SERPINA12: variants seen among roughly 807,000 people sequenced by gnomAD.
The protein encoded by SERPINA12 is serpin A12.
SERPINA12 carries 21 observed loss-of-function variants against 25.9 expected under a neutral mutation model. The observed-to-expected ratio is 0.81, with a 90% CI of 0.58 to 1.17. The LOEUF is 1.17. SERPINA12 is among the 50% of genes most tolerant of loss of function. SERPINA12 has a pLI of 0.00. For synonymous variants in SERPINA12, 220 were observed against 196.0 expected, an observed-to-expected ratio of 1.12 and a Z score of -1.02; for missense variants, 562 against 508.3, an observed-to-expected ratio of 1.11 and a Z score of -1.02.
chr14:94,512,125 T>G (rs1901126927), upstream of SERPINA12, among the ~76,000 whole-genome samples: 4 of 151,306 alleles, frequency 2.6e-5, no homozygotes, highest in South Asian at 8.4e-4. Context: ...ACAAGAGTTC[T>G]GTGGAGGGGT....
chr14:94,514,202 T>C (rs893523402), upstream of SERPINA12, among the ~76,000 whole-genome samples: 17 of 152,344 alleles, frequency 1.1e-4, no homozygotes, highest in African/African-American at 3.4e-4. Context: ...ATTATTCTTA[T>C]CCTCATATAA....
At chr14:94,511,537 G>T (rs966275096), upstream of SERPINA12, 1 of 985,392 alleles carries the variant, frequency 1.0e-6, no homozygotes, top group Non-Finnish European at 1.2e-6. Flanking sequence ...TCCTGGGATG[G>T]CTCACTCTAG....
intron 1 of SERPINA12, among the ~76,000 whole-genome samples, chr14:94,499,007 T>A (rs1332143996): frequency 6.6e-6 from 1 of 152,204 alleles, no homozygotes; most frequent in Non-Finnish European, 1.5e-5. Flanking sequence ...ATGACATCTT[T>A]GGAGACCCTG....
chr14:94,494,998 C>A (rs530565874), intron 3 of SERPINA12, among the ~76,000 whole-genome samples: 9 of 151,914 alleles, frequency 5.9e-5, no homozygotes, highest in African/African-American at 2.2e-4. Context: ...GGATGCTCTG[C>A]TACTTGGCTC....
At chr14:94,490,957 C>T (rs1210771954) in intron 3 of SERPINA12, among the ~76,000 whole-genome samples, 5 of 152,338 alleles carry the variant, frequency 3.3e-5, no homozygotes, top group Non-Finnish European at 2.9e-5. Flanking sequence ...CAGGCTCAGA[C>T]CTTGGTCCCC....
upstream of SERPINA12, among the ~76,000 whole-genome samples, chr14:94,509,820 C>T (rs118059134): frequency 3.9e-3 from 598 of 152,306 alleles, 5 homozygotes; most frequent in Non-Finnish European, 3.2e-3. Context: ...GAGTGACACA[C>T]GCCATCCCCT....
chr14:94,507,861 G>A (rs1160051986), intron 1 of SERPINA12, among the ~76,000 whole-genome samples: 1 of 152,218 alleles, frequency 6.6e-6, no homozygotes, highest in East Asian at 1.9e-4. Flanking sequence ...CAGGAAATGA[G>A]TGCTTGTGGG....
chr14:94,515,299 G>A (rs886475562), intron 2 of SERPINA12, among the ~76,000 whole-genome samples: 4 of 152,164 alleles, frequency 2.6e-5, no homozygotes, highest in African/African-American at 7.2e-5. Context: ...GAAGACCTAG[G>A]GCTGTCTGGG....
intron 1 of SERPINA12, among the ~76,000 whole-genome samples, chr14:94,505,851 A>AGGCCATGGGCAGAGGGT (rs1900912278): frequency 6.6e-6 from 1 of 152,228 alleles, no homozygotes; most frequent in Admixed American, 6.5e-5. Flanking sequence ...AGAGGCCAGT[A>AGGCCATGGGCAGAGGGT]GGCCATGGGC....
chr14:94,488,524 C>T (rs1346924524), intron 4 of SERPINA12, among the ~76,000 whole-genome samples: 3 of 152,044 alleles, frequency 2.0e-5, no homozygotes, highest in Admixed American at 6.6e-5. Context: ...AGGACATCCA[C>T]TGAAATTTGA....
At chr14:94,504,735 G>C (rs1192158998) in intron 1 of SERPINA12, among the ~76,000 whole-genome samples, 1 of 152,206 alleles carries the variant, frequency 6.6e-6, no homozygotes, top group Non-Finnish European at 1.5e-5. Flanking sequence ...TTTTCCTATT[G>C]CACATTTGTT....
chr14:94,513,494 G>A (rs541905857), upstream of SERPINA12, among the ~76,000 whole-genome samples: 15 of 152,254 alleles, frequency 9.9e-5, no homozygotes, highest in South Asian at 2.1e-4. Context: ...TTTCCCAGCC[G>A]TGCAACCCTC....
At chr14:94,493,451 C>T (rs1481443282) in intron 3 of SERPINA12, among the ~76,000 whole-genome samples, 1 of 152,154 alleles carries the variant, frequency 6.6e-6, no homozygotes, top group Non-Finnish European at 1.5e-5. Flanking sequence ...GGCCTGGCCT[C>T]AAGTCAAGGA....
intron 1 of SERPINA12, among the ~76,000 whole-genome samples, chr14:94,504,418 T>A (rs1900860941): frequency 6.6e-6 from 1 of 152,258 alleles, no homozygotes; most frequent in African/African-American, 2.4e-5. Flanking sequence ...TCTCTGGGTA[T>A]GGAAGCCAGA....
chr14:94,496,247 C>T, intron 3 of SERPINA12, 126 bp downstream of exon 3: 1 of 902,586 alleles, frequency 1.1e-6, no homozygotes, highest in South Asian at 1.6e-5. Flanking sequence ...GTCTAATTCT[C>T]ACCATGATAT....
chr14:94,497,028 GA>G (rs1382144303), intron 2 of SERPINA12, among the ~76,000 whole-genome samples: 1 of 152,174 alleles, frequency 6.6e-6, no homozygotes. Context: ...TGGATTTTGA[GA>G]ACCCTCAATT....
At chr14:94,491,472 C>T (rs1439747289) in intron 3 of SERPINA12, among the ~76,000 whole-genome samples, 4 of 151,666 alleles carry the variant, frequency 2.6e-5, no homozygotes, top group Non-Finnish European at 4.4e-5. Flanking sequence ...ATTCTGTTGC[C>T]TCTGTTAAGA....
chr14:94,489,561 C>T, intron 4 of SERPINA12, 59 bp downstream of exon 4: 1 of 1,577,716 alleles, frequency 6.3e-7, no homozygotes, highest in Non-Finnish European at 8.6e-7. Context: ...TGGCTCTGGC[C>T]CCGGCTGGGG....
chr14:94,502,784 G>A (rs557839073), intron 1 of SERPINA12, among the ~76,000 whole-genome samples: 4 of 152,358 alleles, frequency 2.6e-5, no homozygotes, highest in African/African-American at 7.2e-5. Flanking sequence ...AACCAACAGA[G>A]CGAGCTTCAG....
Sources: gnomAD v4.1 joint callset for allele counts (sites outside exome capture counted in the v4.1 genomes callset) on GRCh38, gnomAD v4.1.1 for gene constraint, MANE v1.5 for transcripts, NCBI Gene and HGNC (gene_info 2026-07-23, HGNC 2026-07-21) for gene names.